Variants in PDE1C observed in about 807,000 individuals in gnomAD.
The protein encoded by PDE1C is phosphodiesterase 1C.
Under a neutral mutation model 93.1 loss-of-function variants are expected in PDE1C, and 62 were observed. That is an observed-to-expected ratio of 0.67 (90% confidence interval 0.54 to 0.82). The LOEUF is 0.82. PDE1C is among the 40% of genes least tolerant of loss of function. PDE1C has a pLI of 0.00. For missense variants in PDE1C, 742 were observed against 884.6 expected (o/e 0.84, Z 2.04); for synonymous variants, 325 against 310.1 (o/e 1.05, Z -0.50).
chr7:31,638,500 CACG>C, the PDE1C span, among the ~76,000 whole-genome samples: 2 of 152,288 alleles, frequency 1.3e-5, no homozygotes, highest in South Asian at 4.1e-4. Flanking sequence ...ATAAATCCCA[CACG>C]ACATTGTTAA....
chr7:32,187,484 ATTG>A (rs1803960776), intron 2 of PDE1C, among the ~76,000 whole-genome samples: 1 of 152,082 alleles, frequency 6.6e-6, no homozygotes, highest in Non-Finnish European at 1.5e-5. Context: ...ATTTTGCTAA[ATTG>A]TTATTTTAAT....
intron 2 of PDE1C, among the ~76,000 whole-genome samples, chr7:32,045,303 C>T (rs1159266789): frequency 1.3e-5 from 2 of 152,000 alleles, no homozygotes; most frequent in East Asian, 1.9e-4. Context: ...TCTCAGCATC[C>T]ATCTGTGACT....
the PDE1C span, among the ~76,000 whole-genome samples, chr7:31,741,008 G>C: frequency 2.6e-5 from 4 of 151,280 alleles, no homozygotes; most frequent in African/African-American, 9.7e-5. Context: ...GTTTGAGGCT[G>C]CAGTGATCAT....
At chr7:31,690,670 T>C in the PDE1C span, among the ~76,000 whole-genome samples, 961 of 152,254 alleles carry the variant, frequency 6.3e-3, 11 homozygotes, top group African/African-American at 0.022. Context: ...ATTAGGCACA[T>C]AAGAACAGCC....
chr7:31,735,556 C>G, the PDE1C span, among the ~76,000 whole-genome samples: 2 of 152,188 alleles, frequency 1.3e-5, no homozygotes, highest in Non-Finnish European at 2.9e-5. Context: ...CACTTAGTAG[C>G]TGTGGATGTT....
intron 2 of PDE1C, among the ~76,000 whole-genome samples, chr7:31,906,735 T>C (rs1800638601): frequency 6.6e-6 from 1 of 152,224 alleles, no homozygotes; most frequent in South Asian, 2.1e-4. Flanking sequence ...ATGCCTTCCA[T>C]TCCAAAGCCT....
At chr7:31,629,561 T>C in the PDE1C span, among the ~76,000 whole-genome samples, 1 of 152,206 alleles carries the variant, frequency 6.6e-6, no homozygotes, top group African/African-American at 2.4e-5. Flanking sequence ...ATATGACAGT[T>C]TTTAAGAAAA....
chr7:32,074,531 C>T (rs1421608238), upstream of PDE1C, among the ~76,000 whole-genome samples: 2 of 152,158 alleles, frequency 1.3e-5, no homozygotes, highest in Non-Finnish European at 2.9e-5. Context: ...AAACCCAGAC[C>T]AAAAGGCAAA....
chr7:31,659,592 C>A, the PDE1C span, among the ~76,000 whole-genome samples: 1 of 152,204 alleles, frequency 6.6e-6, no homozygotes, highest in Non-Finnish European at 1.5e-5. Context: ...TTTCAGAAAA[C>A]AATTCCTTAC....
At chr7:32,037,508 T>C (rs142193203) in intron 2 of PDE1C, among the ~76,000 whole-genome samples, 1,592 of 152,260 alleles carry the variant, frequency 0.01, 19 homozygotes, top group Middle Eastern at 0.051. Context: ...GTATTCCTTC[T>C]AAATAAAACA....
At chr7:32,308,097 A>G (rs766971604) in intron 1 of PDE1C, among the ~76,000 whole-genome samples, 1 of 152,256 alleles carries the variant, frequency 6.6e-6, no homozygotes, top group Non-Finnish European at 1.5e-5. Flanking sequence ...CACATGGCTC[A>G]GAGGGTCCAA....
chr7:31,873,322 G>C lies in PDE1C; in HGVS notation c.579C>G (p.Leu193=), dbSNP rs143651998. Residue 193 remains leucine (L), a synonymous_variant, in exon 6 of 18, where the codon CTC becomes CTG. Transcript: ENST00000396191. ...AACGGCTGATCAGATCATAACGTGT[G>C]AGTAGTTCATAGAAAATAAATTTCA... ...HALKFIFYEL[L]TRYDLISRFK... is the part of the protein sequence containing the mutation. The C allele has an allele frequency of 6.2e-7, 1 of 1,612,630 alleles. No individual in the cohort carries two copies.
chr7:32,044,672 C>T (rs1247940057), intron 2 of PDE1C, among the ~76,000 whole-genome samples: 1 of 152,088 alleles, frequency 6.6e-6, no homozygotes, highest in Admixed American at 6.5e-5. Context: ...GAAAAGCCCA[C>T]AATCCGTTAG....
intron 1 of PDE1C, among the ~76,000 whole-genome samples, chr7:32,330,700 A>T (rs1783495611): frequency 6.6e-6 from 1 of 152,146 alleles, no homozygotes; most frequent in South Asian, 2.1e-4. Flanking sequence ...CCAGGCCATG[A>T]TTCGCTTCAC....
downstream of PDE1C, among the ~76,000 whole-genome samples, chr7:31,748,199 T>C (rs147057356): frequency 3.9e-3 from 601 of 152,372 alleles, 3 homozygotes; most frequent in African/African-American, 0.014. Context: ...CTTACTGTCA[T>C]AATTTTGCAA....
intron 2 of PDE1C, among the ~76,000 whole-genome samples, chr7:31,993,398 C>A (rs773156632): frequency 6.6e-6 from 1 of 152,022 alleles, no homozygotes; most frequent in Non-Finnish European, 1.5e-5. Context: ...GACAGGGAGC[C>A]TAGAAGGGTA....
intron 1 of PDE1C, among the ~76,000 whole-genome samples, chr7:32,312,306 A>G (rs951586369): frequency 4.0e-5 from 6 of 151,874 alleles, no homozygotes; most frequent in Non-Finnish European, 7.4e-5. Context: ...GGAAGAATCA[A>G]TATCGTGAAA....
chr7:32,387,182 A>G (rs570549257), intron 1 of PDE1C, among the ~76,000 whole-genome samples: 1,764 of 151,712 alleles, frequency 0.012, 30 homozygotes, highest in African/African-American at 0.04. Flanking sequence ...CAGAGAGCAC[A>G]GGGTTGGGGA....
At chr7:32,189,658 A>G (rs189952328) in intron 2 of PDE1C, among the ~76,000 whole-genome samples, 1 of 152,332 alleles carries the variant, frequency 6.6e-6, no homozygotes. Flanking sequence ...AGTGTGCCAC[A>G]TTAATCTGAG....
Sources: allele counts gnomAD v4.1 joint callset (sites outside exome capture counted in the v4.1 genomes callset), GRCh38; gene constraint gnomAD v4.1.1; transcripts MANE v1.5; gene names NCBI Gene and HGNC (gene_info 2026-07-23, HGNC 2026-07-21).